Variants in USP8 observed in about 807,000 individuals in gnomAD.
USP8 encodes the protein ubiquitin carboxyl-terminal hydrolase 8.
Under a neutral mutation model 130.0 loss-of-function variants are expected in USP8, and 27 were observed. That is an observed-to-expected ratio of 0.21 (90% CI 0.15 to 0.29). The LOEUF (loss-of-function observed/expected upper bound fraction) is 0.29, where lower values mean the gene tolerates loss of function less well. Among genes scored for constraint, USP8 ranks in the 10% least tolerant of loss-of-function variants. The pLI, the probability that USP8 is intolerant of heterozygous loss-of-function variation, is 1.00. For missense variants in USP8, 1,029 were observed against 1,312.2 expected, an observed-to-expected ratio of 0.78 and a Z score of 3.33; for synonymous variants, 392 against 444.1, an observed-to-expected ratio of 0.88 and a Z score of 1.48.
intron 3 of USP8, among the ~76,000 whole-genome samples, chr15:50,443,838 A>T (rs1567605412): frequency 2.0e-5 from 3 of 152,102 alleles, no homozygotes; most frequent in Non-Finnish European, 4.4e-5. Flanking sequence ...TTGGAGGTTC[A>T]TTCATCTGTC....
In USP8 at chr15:50,513,506, A is replaced by G. The variant is rs1329901967; in HGVS notation, c.*14418A>G. The G allele has an allele frequency of 1.4e-5, 2 of 143,680 alleles. No homozygotes were observed. The highest frequency in any genetic ancestry group is 7.1e-5 in the Admixed American group (1 of 14,082). 8.9% of individuals were successfully genotyped at this position (143,680 alleles called of 1,614,324 possible). A position where few individuals can be genotyped will look rare whatever the true frequency, so the allele number is the denominator to read the frequency against. Reference sequence around the variant, plus strand: ...CCTGAGGTCATGAGTTCGAGACAAGAGCGAAACTGTCTAAAAAAAAAAAAA... The same window carrying G: ...CCTGAGGTCATGAGTTCGAGACAAGGGCGAAACTGTCTAAAAAAAAAAAAA... On this transcript the variant is annotated 3_prime_UTR_variant, in exon 20 of 20. Transcript: ENST00000307179.
rs2141334864 is a variant in USP8, at chr15:50,500,012, T to G, written c.*924T>G. Reference sequence around the variant, plus strand: ...ACTACATCTTTACAGAGTGATGTATTAAGAGGGTTAAAGGAGCTTATAATT... The same window carrying G: ...ACTACATCTTTACAGAGTGATGTATGAAGAGGGTTAAAGGAGCTTATAATT... On this transcript the variant is annotated 3_prime_UTR_variant, in exon 20 of 20. Coordinates refer to ENST00000307179, the MANE Select transcript of USP8 (RefSeq NM_005154.5). 1 of 152,206 alleles carries G rather than the reference T, an allele frequency of 6.6e-6. No individual in the cohort carries two copies. Among genetic ancestry groups the G allele is most frequent in the African/African-American group, 2.4e-5 (1 of 41,536 alleles). 9.4% of individuals were successfully genotyped at this position (152,206 alleles called of 1,614,324 possible).
At chr15:50,484,155 G>A in intron 11 of USP8, 120 bp from the exon 12 acceptor site, 1 of 660,830 alleles carries the variant, frequency 1.5e-6, no homozygotes, top group Non-Finnish European at 2.4e-6. Flanking sequence ...ATTTTCAGAG[G>A]CCTTTTTTTT....
chr15:50,507,648 A>G lies in USP8; in HGVS notation c.*8560A>G, dbSNP rs1367554450. On this transcript the variant is annotated 3_prime_UTR_variant, in exon 20 of 20. Transcript: ENST00000307179. ...ATAGGGAAGTTTTGACAAGTCTACCATCATAATGGAAGATTTCAACTATTG... is the reference window on the plus strand; with the variant it reads ...ATAGGGAAGTTTTGACAAGTCTACCGTCATAATGGAAGATTTCAACTATTG... The G allele has an allele frequency of 6.6e-6, 1 of 152,204 alleles. No homozygotes were observed. The highest frequency in any genetic ancestry group is 1.5e-5 in the Non-Finnish European group (1 of 68,038). 9.4% of individuals were successfully genotyped at this position (152,204 alleles called of 1,614,324 possible). A position where few individuals can be genotyped will look rare whatever the true frequency, so the allele number is the denominator to read the frequency against.
intron 3 of USP8, among the ~76,000 whole-genome samples, chr15:50,447,189 G>C (rs971229542): frequency 1.3e-5 from 2 of 152,164 alleles, no homozygotes; most frequent in African/African-American, 4.8e-5. Flanking sequence ...TATGCTCCAG[G>C]TTGTATTGTG....
rs367797568 is a variant in USP8, at chr15:50,461,150, G to A, written c.499-1130G>A. Among the ~76,000 whole-genome samples the A allele has an allele frequency of 4.7e-4, 71 of 152,102 alleles. No homozygotes were observed. In the South Asian group the frequency reaches 0.011, roughly 24 times the overall value. On this transcript the variant is annotated intron_variant, in intron 5 of 19. Transcript: ENST00000307179. ...TGGAATTATAGGAATGCACCACCAC[G>A]CCCGGCTAATTTTATATTTTTAGTA...
chr15:50,447,573 C>A (rs993350321), intron 3 of USP8, among the ~76,000 whole-genome samples: 11 of 150,172 alleles, frequency 7.3e-5, no homozygotes, highest in African/African-American at 2.7e-4. Context: ...TTCTTTTTTT[C>A]CCCTCCGAGA....
rs1382213295 is a variant in USP8 at position 50,503,570 on chromosome 15, C to T, written c.*4482C>T. The T allele has an allele frequency of 6.6e-6, 1 of 152,220 alleles. No individual in the cohort carries two copies. The highest frequency in any genetic ancestry group is 1.5e-5 in the Non-Finnish European group (1 of 68,052). 9.4% of individuals were successfully genotyped at this position (152,220 alleles called of 1,614,324 possible). On this transcript the variant is annotated 3_prime_UTR_variant, in exon 20 of 20. Coordinates refer to ENST00000307179, the MANE Select transcript of USP8 (RefSeq NM_005154.5). ...GAAGGATTAAAAAACAAAATCCACCCTCTAGTGCTTGTGTTAGCTTGGACT... is the reference window on the plus strand; with the variant it reads ...GAAGGATTAAAAAACAAAATCCACCTTCTAGTGCTTGTGTTAGCTTGGACT...
Position 50,482,150 on chromosome 15 carries a change from G to A in USP8, c.1803+85G>A. On this transcript the variant is annotated intron_variant, in intron 11 of 19. Coordinates refer to ENST00000307179, the MANE Select transcript of USP8 (RefSeq NM_005154.5). ...AAACACCAGTGGCATTCCATAAAAGGGCAGGCATTTCAAATAGTCTTTTCA... is the reference window on the plus strand; with the variant it reads ...AAACACCAGTGGCATTCCATAAAAGAGCAGGCATTTCAAATAGTCTTTTCA... The A allele has an allele frequency of 1.6e-6, 2 of 1,268,090 alleles. 1 individual carries two copies. The highest frequency in any genetic ancestry group is 2.1e-6 in the Non-Finnish European group (2 of 950,176). The allele number at this position is 1,268,090 out of a possible 1,614,324, so 78.6% of individuals were successfully genotyped here. A position where few individuals can be genotyped will look rare whatever the true frequency, so the allele number is the denominator to read the frequency against.
intron 3 of USP8, among the ~76,000 whole-genome samples, chr15:50,442,423 T>C (rs972663461): frequency 2.0e-5 from 3 of 152,012 alleles, no homozygotes; most frequent in Non-Finnish European, 2.9e-5. Flanking sequence ...ATAGAGAAAA[T>C]AGATGTATTT....
intron 11 of USP8, among the ~76,000 whole-genome samples, 166 bp from the exon 12 acceptor site, chr15:50,484,109 T>C (rs531957104): frequency 6.6e-6 from 1 of 152,264 alleles, no homozygotes; most frequent in East Asian, 1.9e-4. Flanking sequence ...CTTTAGTTTT[T>C]TAAGTATTTT....
At chr15:50,427,132 T>A (rs558908626) in intron 1 of USP8, among the ~76,000 whole-genome samples, 1 of 152,010 alleles carries the variant, frequency 6.6e-6, no homozygotes, top group South Asian at 2.1e-4. Flanking sequence ...AGAGATGGGG[T>A]TTCACCATGT....
chr15:50,445,697 T>TA (rs960547151), intron 3 of USP8, among the ~76,000 whole-genome samples: 24 of 144,394 alleles, frequency 1.7e-4, no homozygotes, highest in East Asian at 1.6e-3. Context: ...TAAAAATACG[T>TA]AAAAAAAAAA....
In USP8 at chr15:50,508,509, ACTTATAT is replaced by A. The variant is rs1349722552; in HGVS notation, c.*9426_*9432del. The A allele has an allele frequency of 6.6e-6, 1 of 152,214 alleles. No homozygotes were observed. Among genetic ancestry groups the A allele is most frequent in the Non-Finnish European group, 1.5e-5 (1 of 68,044 alleles). 9.4% of individuals were successfully genotyped at this position (152,214 alleles called of 1,614,324 possible). On this transcript the variant is annotated 3_prime_UTR_variant, in exon 20 of 20. Transcript: ENST00000307179. ...GAGATAGACATTTGTAGTTTTAAAT[ACTTATAT>A]CTTAAAGGATAGACTGAGTGTTAAT...
Position 50,509,209 on chromosome 15 carries a change from TG to T in USP8, c.*10124del, listed in dbSNP as rs1396352233. The T allele has an allele frequency of 1.3e-5, 2 of 149,630 alleles. No individual in the cohort carries two copies. Among genetic ancestry groups the T allele is most frequent in the Non-Finnish European group, 2.9e-5 (2 of 67,892 alleles). The allele number at this position is 149,630 out of a possible 1,614,324, so 9.3% of individuals were successfully genotyped here. On this transcript the variant is annotated 3_prime_UTR_variant, in exon 20 of 20. Coordinates refer to ENST00000307179, the MANE Select transcript of USP8 (RefSeq NM_005154.5). ...TGTTGTGCCTGTAGTTCCATCTACT[TG>T]GGAGGCTGAGGTGGGAGGATGGCTC...
rs1272512193 is a variant in USP8 at position 50,498,998 on chromosome 15, T to G, written c.3267T>G (p.Ser1089=). 1.2e-6 allele frequency: 2 copies of G among 1,614,076 alleles called. No homozygotes were observed. Among genetic ancestry groups the G allele is most frequent in the Non-Finnish European group, 1.7e-6 (2 of 1,179,922 alleles). Reference sequence around the variant, plus strand: ...TTAAGTTTGATGATCATGAAGTTTCTGATATCTCCGTTTCTTCTGTGAAAT... The same window carrying G: ...TTAAGTTTGATGATCATGAAGTTTCGGATATCTCCGTTTCTTCTGTGAAAT... ...RWFKFDDHEV[S]DISVSSVKSS... is the part of the protein sequence containing the mutation. The change falls in exon 20 of 20, where the codon TCT becomes TCG. Residue 1089 remains serine (S), a synonymous_variant. Transcript: ENST00000307179.
At chr15:50,439,233 TC>T in intron 2 of USP8, 56 bp downstream of exon 2, 1 of 1,158,872 alleles carries the variant, frequency 8.6e-7, no homozygotes, top group Non-Finnish European at 1.2e-6. Context: ...TTAGTTCGTT[TC>T]CATATTAAAG....
chr15:50,486,497 G>T (rs967155688), intron 12 of USP8, among the ~76,000 whole-genome samples: 1 of 151,688 alleles, frequency 6.6e-6, no homozygotes, highest in Non-Finnish European at 1.5e-5. Context: ...TCAAACAAAA[G>T]GGGAAAAAAT....
At chr15:50,474,646 A>G (rs2051499089) in intron 8 of USP8, among the ~76,000 whole-genome samples, 1 of 152,280 alleles carries the variant, frequency 6.6e-6, no homozygotes. Context: ...ACAACTGCCC[A>G]GCCAGTAAAT....
Sources: gnomAD v4.1 joint callset for allele counts (sites outside exome capture counted in the v4.1 genomes callset) on GRCh38, gnomAD v4.1.1 for gene constraint, MANE v1.5 for transcripts, NCBI Gene and HGNC (gene_info 2026-07-23, HGNC 2026-07-21) for gene names.